TCN2: variants seen among roughly 807,000 people sequenced by gnomAD.
TCN2 encodes transcobalamin-2.
TCN2 carries 34 observed loss-of-function variants against 48.6 expected under a neutral mutation model. The observed-to-expected ratio is 0.70, with a 90% CI of 0.53 to 0.93. The LOEUF (loss-of-function observed/expected upper bound fraction) is 0.93, where lower values mean the gene tolerates loss of function less well. Among genes scored for constraint, TCN2 ranks in the 40% least tolerant of loss-of-function variants. The pLI, the probability that TCN2 is intolerant of heterozygous loss-of-function variation, is 0.00. For missense variants in TCN2, 652 were observed against 526.1 expected (o/e 1.24, Z -2.34); for synonymous variants, 283 against 212.5 (o/e 1.33, Z -2.89).
In TCN2 at chr22:30,626,468, G is replaced by C; in HGVS notation, c.1231G>C (p.Asp411His). 6.2e-7 allele frequency: 1 copy of C among 1,614,108 alleles called. No individual in the cohort carries two copies. The highest frequency in any genetic ancestry group is 2.2e-5 in the East Asian group (1 of 44,880). The change falls in exon 9 of 9, where the codon GAC becomes CAC. Residue 411 changes from aspartate to histidine, a missense_variant. Asp to His is a moderately conservative substitution (Grantham distance 81, BLOSUM62 -1). Coordinates refer to ENST00000215838, the MANE Select transcript of TCN2 (RefSeq NM_000355.4). ...TCAATCTGTTTCTGCAGGTATTGCTGACTACAGACCCAAGGATGGAGAAAC... is the reference window on the plus strand; with the variant it reads ...TCAATCTGTTTCTGCAGGTATTGCTCACTACAGACCCAAGGATGGAGAAAC... ...PNTPLLQGIA[D>H]YRPKDGETIE...
rs183981840 is a variant in TCN2 at position 30,624,857 on chromosome 22, G to T, written c.1223-1603G>T. Among the ~76,000 whole-genome samples the T allele has an allele frequency of 1.8e-3, 272 of 152,306 alleles. 1 individual carries two copies. In the Middle Eastern group the frequency reaches 0.02, roughly 11 times the overall value. ...AAAGTGGATGGGAGTTATAATTTGA[G>T]TTCTCTTTTGTCTTAGTCCATTGAA... On this transcript the variant is annotated intron_variant, in intron 8 of 8. Coordinates refer to ENST00000215838, the MANE Select transcript of TCN2 (RefSeq NM_000355.4).
intron 7 of TCN2, 70 bp from the exon 8 acceptor site, chr22:30,622,898 G>A (rs1270605600): frequency 2.6e-6 from 4 of 1,522,082 alleles, no homozygotes; most frequent in South Asian, 1.1e-5. Context: ...GCTGCTGTGG[G>A]TGAGCACTGC....
intron 7 of TCN2, among the ~76,000 whole-genome samples, chr22:30,619,148 C>T (rs1414258136): frequency 1.3e-5 from 2 of 152,232 alleles, no homozygotes; most frequent in African/African-American, 4.8e-5. Context: ...ACAATCACAG[C>T]TCACTGTAGC....
At chr22:30,621,424 C>T (rs1355920247) in intron 7 of TCN2, among the ~76,000 whole-genome samples, 5 of 152,114 alleles carry the variant, frequency 3.3e-5, no homozygotes, top group African/African-American at 4.8e-5. Context: ...GACGGTCTCA[C>T]CTCCTTTTCA....
Position 30,610,950 on chromosome 22 carries a change from G to T in TCN2, c.144G>T (p.Glu48Asp), listed in dbSNP as rs2087529839. 1 of 1,614,104 alleles carries T rather than the reference G, an allele frequency of 6.2e-7. No individual in the cohort carries two copies. Among genetic ancestry groups the T allele is most frequent in the African/African-American group, 1.3e-5 (1 of 74,930 alleles). The change falls in exon 2 of 9, where the codon GAG becomes GAT. Residue 48 changes from glutamate to aspartate, a missense_variant. By Grantham distance (45) the Glu-to-Asp change is conservative (BLOSUM62 2). Coordinates refer to ENST00000215838, the MANE Select transcript of TCN2 (RefSeq NM_000355.4). The part of the protein sequence containing the change: ...LLPWMDRLSL[E>D]HLNPSIYVGL... ...CTTGGATGGACCGGCTTTCCCTGGA[G>T]CACTTGAACCCCAGCATCTATGTGG... is the stretch of plus-strand genomic sequence containing the variant.
At chr22:30,623,177 C>A in intron 8 of TCN2, 94 bp downstream of exon 8, 1 of 1,209,792 alleles carries the variant, frequency 8.3e-7, no homozygotes, top group Non-Finnish European at 1.2e-6. Context: ...CCCTAGCACC[C>A]TCCTGGGCCA....
chr22:30,620,131 T>C (rs895979017), intron 7 of TCN2, among the ~76,000 whole-genome samples: 6 of 151,378 alleles, frequency 4.0e-5, no homozygotes, highest in Middle Eastern at 3.4e-3. Flanking sequence ...TCCTGTAGCC[T>C]GGATGACAAA....
chr22:30,622,920 G>C (rs772598702), intron 7 of TCN2, 48 bp from the exon 8 acceptor site: 1 of 1,595,708 alleles, frequency 6.3e-7, no homozygotes, highest in South Asian at 1.1e-5. Context: ...TCTCCCCTTA[G>C]GGACAACAGC....
intron 8 of TCN2, among the ~76,000 whole-genome samples, chr22:30,625,287 A>G (rs1046040428): frequency 3.3e-5 from 5 of 152,170 alleles, no homozygotes; most frequent in African/African-American, 1.2e-4. Flanking sequence ...GTCCCAGATC[A>G]GGACACTGAC....
chr22:30,622,054 C>T (rs2087707824), intron 7 of TCN2, among the ~76,000 whole-genome samples: 1 of 152,162 alleles, frequency 6.6e-6, no homozygotes, highest in African/African-American at 2.4e-5. Context: ...ATGGTACGAT[C>T]TCAGCTCACT....
rs1405645109 is a variant in TCN2, at chr22:30,623,947, C to CATAT, written c.1222+865_1222+868dup. Among the ~76,000 whole-genome samples, 37 of 27,432 alleles carry CATAT rather than the reference C, an allele frequency of 1.3e-3. 12 individuals are homozygous for CATAT. Among genetic ancestry groups the CATAT allele is most frequent in the Admixed American group, 7.0e-3 (15 of 2,148 alleles). 18.0% of individuals were successfully genotyped at this position (27,432 alleles called of 152,430 possible). ...ATATGTATACATATATACACACACA[C>CATAT]ATATGTATACATATATACACACACA... On this transcript the variant is annotated intron_variant, in intron 8 of 8. Coordinates refer to ENST00000215838, the MANE Select transcript of TCN2 (RefSeq NM_000355.4).
At chr22:30,624,741 G>A (rs945893945) in intron 8 of TCN2, among the ~76,000 whole-genome samples, 5 of 152,068 alleles carry the variant, frequency 3.3e-5, no homozygotes, top group Admixed American at 6.5e-5. Flanking sequence ...CCGCTCCCAG[G>A]AGAAAAATAG....
rs375001872 is a variant in TCN2, at chr22:30,626,548, C to A, written c.*27C>A. On this transcript the variant is annotated 3_prime_UTR_variant, in exon 9 of 9. Coordinates refer to ENST00000215838, the MANE Select transcript of TCN2 (RefSeq NM_000355.4). ...CCCTGAGCTCCCTCATCCCAGCAGC[C>A]TCGCACACTCCCTAGGCTTCTACCC... 2.2e-5 allele frequency: 36 copies of A among 1,613,344 alleles called. No homozygotes were observed. In the Middle Eastern group the frequency reaches 8.6e-4, roughly 39 times the overall value.
intron 8 of TCN2, 98 bp from the exon 9 acceptor site, chr22:30,626,362 T>C: frequency 7.5e-7 from 1 of 1,334,242 alleles, no homozygotes; most frequent in Non-Finnish European, 1.1e-6. Context: ...GGTGGATTCT[T>C]ACAGACTCTA....
chr22:30,612,885 C>T lies in TCN2; in HGVS notation c.270C>T (p.Ser90=), dbSNP rs775251694. ...YQQCLLGSAF[S]EDDGDCQGKP... ...GGCCTTGTCCTAGGTCTGCCTTCAG[C>T]GAGGATGACGGTGACTGCCAGGGCA... Residue 90 remains serine, a synonymous_variant, in exon 3 of 9, where the codon AGC becomes AGT. Transcript: ENST00000215838. The T allele has an allele frequency of 8.1e-6, 13 of 1,613,628 alleles. No homozygotes were observed. The highest frequency in any genetic ancestry group is 6.7e-5 in the East Asian group (3 of 44,894).
rs754484246 is a variant in TCN2 at position 30,614,330 on chromosome 22, CTG to C, written c.428-17_428-16del. On this transcript the variant is annotated splice_polypyrimidine_tract_variant and intron_variant, in intron 3 of 8. Coordinates refer to ENST00000215838, the MANE Select transcript of TCN2 (RefSeq NM_000355.4). ...GGGTGGGGGCAGAGAGGCAACCCCT[CTG>C]TTTTTTTCCCTCTCAGGGCATGATC... 3.7e-6 allele frequency: 6 copies of C among 1,613,732 alleles called. No homozygotes were observed. Among genetic ancestry groups the C allele is most frequent in the Admixed American group, 1.7e-5 (1 of 59,970 alleles).
intron 1 of TCN2, 28 bp downstream of exon 1, chr22:30,607,423 T>G (rs2087469194): frequency 6.2e-7 from 1 of 1,613,508 alleles, no homozygotes; most frequent in Non-Finnish European, 8.5e-7. Flanking sequence ...ATCCTGTGCC[T>G]CTTTCCTCCT....
In TCN2 at chr22:30,622,994, G is replaced by C; in HGVS notation, c.1133G>C (p.Gly378Ala). ...TATGAAACACAGGCCTCCTTGTCAG[G>C]CCCCTACTTAACCTCCGTGATGGGG... The part of the protein sequence containing the change: ...FTYETQASLS[G>A]PYLTSVMGKA... Residue 378 changes from glycine (G) to alanine (A), a missense_variant, in exon 8 of 9, where the codon GGC (glycine) becomes GCC (alanine). Physicochemically the swap from Gly to Ala is moderately conservative, Grantham distance 60. Transcript: ENST00000215838. The C allele has an allele frequency of 6.2e-7, 1 of 1,613,962 alleles. No individual in the cohort carries two copies. The highest frequency in any genetic ancestry group is 8.5e-7 in the Non-Finnish European group (1 of 1,180,010).
chr22:30,619,268 T>C (rs1381167052), intron 7 of TCN2, among the ~76,000 whole-genome samples: 2 of 152,144 alleles, frequency 1.3e-5, no homozygotes, highest in African/African-American at 4.8e-5. Context: ...TTTGTAGACA[T>C]GGGATTGCTT....
Sources: allele counts gnomAD v4.1 joint callset (sites outside exome capture counted in the v4.1 genomes callset), GRCh38; gene constraint gnomAD v4.1.1; transcripts MANE v1.5; gene names NCBI Gene and HGNC (gene_info 2026-07-23, HGNC 2026-07-21).